Variants in RNF24 observed in about 807,000 individuals in gnomAD.
The protein encoded by RNF24 is ring finger protein 24.
RNF24 carries 14 observed loss-of-function variants against 20.0 expected under a neutral mutation model. The observed-to-expected ratio is 0.70, with a 90% CI of 0.46 to 1.10. The LOEUF is 1.10. RNF24 is among the 50% of genes least tolerant of loss of function. The probability of loss-of-function intolerance (pLI) is 0.00; values close to 1 mark genes in which losing one functional copy is unlikely to be tolerated. For missense variants in RNF24, 124 were observed against 177.6 expected (o/e 0.70, Z 1.71); for synonymous variants, 45 against 61.1 (o/e 0.74, Z 1.23).
At chr20:4,007,694 G>A (rs1412901458) in intron 1 of RNF24, among the ~76,000 whole-genome samples, 2 of 142,348 alleles carry the variant, frequency 1.4e-5, no homozygotes, top group Non-Finnish European at 3.0e-5. Flanking sequence ...TTGAGCCCAG[G>A]AGTTTGAGAC....
At chr20:3,947,413 G>A (rs1162390935) in intron 3 of RNF24, among the ~76,000 whole-genome samples, 2 of 152,186 alleles carry the variant, frequency 1.3e-5, no homozygotes, top group Non-Finnish European at 2.9e-5. Context: ...GAAAAGATAA[G>A]TGTATTAACT....
chr20:3,958,906 T>A (rs186155324), intron 2 of RNF24, among the ~76,000 whole-genome samples: 18,738 of 152,254 alleles, frequency 0.12, 1,407 homozygotes, highest in Non-Finnish European at 0.17. Flanking sequence ...TCTCCCAAAG[T>A]GCTGGGATTA....
intron 1 of RNF24, among the ~76,000 whole-genome samples, chr20:3,966,469 A>AGTGTGTGTATGTGTGTGTGTGT (rs375656891): frequency 7.7e-6 from 1 of 129,232 alleles, no homozygotes; most frequent in African/African-American, 2.9e-5. Flanking sequence ...TTAAGGCTTT[A>AGTGTGTGTATGTGTGTGTGTGT]GTGTGTGTGT....
chr20:4,008,320 A>T (rs1243757185), intron 1 of RNF24, among the ~76,000 whole-genome samples: 1 of 91,844 alleles, frequency 1.1e-5, no homozygotes. Context: ...ATATATATAT[A>T]TTATATATAT....
intron 2 of RNF24, among the ~76,000 whole-genome samples, chr20:3,962,147 G>A (rs967440171): frequency 2.0e-5 from 3 of 152,064 alleles, no homozygotes; most frequent in Admixed American, 2.0e-4. Context: ...GAACTCAGGA[G>A]TTTCAGACCA....
intron 1 of RNF24, among the ~76,000 whole-genome samples, chr20:4,011,799 C>T (rs550634976): frequency 6.6e-6 from 1 of 152,258 alleles, no homozygotes; most frequent in South Asian, 2.1e-4. Flanking sequence ...TGAATACCGA[C>T]CTAACTGTCA....
rs1399715268 is a variant in RNF24, at chr20:3,934,035, C to G, written c.*28G>C. On this transcript the variant is annotated 3_prime_UTR_variant, in exon 6 of 6. Transcript: ENST00000358395. The surrounding 1 kb of genome is among the most constrained non-coding windows in gnomAD (Gnocchi z 4.0). Reference sequence around the variant, plus strand: ...TCCTGGCTCCACACAGACGTCGTGTCCAGCAACAGTCTGATCCTTGCGGTA... The same window carrying G: ...TCCTGGCTCCACACAGACGTCGTGTGCAGCAACAGTCTGATCCTTGCGGTA... 6 of 1,429,130 alleles carry G rather than the reference C, an allele frequency of 4.2e-6. No homozygotes were observed. Among genetic ancestry groups the G allele is most frequent in the Non-Finnish European group, 5.5e-6 (6 of 1,086,766 alleles). 88.5% of individuals were successfully genotyped at this position (1,429,130 alleles called of 1,614,324 possible). A position where few individuals can be genotyped will look rare whatever the true frequency, so the allele number is the denominator to read the frequency against.
intron 1 of RNF24, among the ~76,000 whole-genome samples, chr20:3,999,096 CA>C (rs1981167456): frequency 6.6e-6 from 1 of 151,900 alleles, no homozygotes; most frequent in Admixed American, 6.6e-5. Flanking sequence ...CAAAACAAAA[CA>C]AAAAACAAAA....
intron 4 of RNF24, among the ~76,000 whole-genome samples, chr20:3,943,127 C>T (rs2090977425): frequency 6.6e-6 from 1 of 151,936 alleles, no homozygotes; most frequent in South Asian, 2.1e-4. Context: ...GAGACCTTGA[C>T]AAAAGGGTCA....
At chr20:3,986,410 C>T (rs1979910230) in intron 1 of RNF24, among the ~76,000 whole-genome samples, 1 of 151,962 alleles carries the variant, frequency 6.6e-6, no homozygotes, top group Non-Finnish European at 1.5e-5. Context: ...TGTCACCATA[C>T]TCAGCTATTT....
At chr20:3,935,118 C>T (rs905643453) in intron 4 of RNF24, 45 bp from the exon 5 acceptor site, 17 of 1,552,496 alleles carry the variant, frequency 1.1e-5, no homozygotes, top group Non-Finnish European at 1.5e-5. Context: ...TGTTAAGTAC[C>T]CTCCCAGGTA....
At chr20:3,952,014 A>G (rs576832790) in intron 2 of RNF24, among the ~76,000 whole-genome samples, 82 of 152,330 alleles carry the variant, frequency 5.4e-4, no homozygotes, top group East Asian at 7.7e-4. Flanking sequence ...CTTGGTGAAC[A>G]GCACTTTCTC....
In RNF24 at chr20:3,928,211, T is replaced by G. The variant is rs2090755715; in HGVS notation, c.*5852A>C. The G allele has an allele frequency of 6.6e-6, 1 of 152,226 alleles. No homozygotes were observed. The highest frequency in any genetic ancestry group is 1.5e-5 in the Non-Finnish European group (1 of 68,048). 9.4% of individuals were successfully genotyped at this position (152,226 alleles called of 1,614,324 possible). ...AAGACACACCCAGGGCCAGAGATTC[T>G]ACAAATGCCAGAAGAGTGGATGTGA... On this transcript the variant is annotated 3_prime_UTR_variant, in exon 6 of 6. Coordinates refer to ENST00000358395, the MANE Select transcript of RNF24 (RefSeq NM_001134337.3).
At chr20:4,005,798 T>C (rs1397235434) in intron 1 of RNF24, among the ~76,000 whole-genome samples, 2 of 151,768 alleles carry the variant, frequency 1.3e-5, no homozygotes, top group South Asian at 2.1e-4. Flanking sequence ...ATCTGCACAT[T>C]TGAAAAAAAA....
intron 3 of RNF24, among the ~76,000 whole-genome samples, chr20:3,945,606 T>A (rs1369377048): frequency 3.3e-5 from 5 of 151,744 alleles, no homozygotes; most frequent in Admixed American, 3.3e-4. Flanking sequence ...TCCCAGCTAC[T>A]CGGCAGGCTG....
At chr20:3,966,832 G>GT (rs2091264451) in intron 1 of RNF24, among the ~76,000 whole-genome samples, 2 of 152,232 alleles carry the variant, frequency 1.3e-5, no homozygotes, top group Admixed American at 1.3e-4. Flanking sequence ...ACACACAGCA[G>GT]TAGAGGTAGT....
intron 1 of RNF24, among the ~76,000 whole-genome samples, chr20:3,979,406 C>T (rs1979194876): frequency 1.3e-5 from 2 of 152,028 alleles, no homozygotes; most frequent in South Asian, 4.1e-4. Flanking sequence ...TGTGGTGGCT[C>T]ACAGCTGTAA....
intron 4 of RNF24, among the ~76,000 whole-genome samples, chr20:3,935,473 G>A (rs1054144833): frequency 6.6e-6 from 1 of 152,204 alleles, no homozygotes; most frequent in South Asian, 2.1e-4. Flanking sequence ...TGGCTCCCAA[G>A]CACTCACTGA....
At chr20:4,011,009 AT>A (rs1982420244) in intron 1 of RNF24, among the ~76,000 whole-genome samples, 1 of 152,236 alleles carries the variant, frequency 6.6e-6, no homozygotes, top group Admixed American at 6.5e-5. Flanking sequence ...ACACACATAC[AT>A]ATACAGCCTT....
Sources: gnomAD v4.1 joint callset for allele counts (sites outside exome capture counted in the v4.1 genomes callset) on GRCh38, gnomAD v4.1.1 for gene constraint, Gnocchi (gnomAD v3.1) non-coding constraint, MANE v1.5 for transcripts, NCBI Gene and HGNC (gene_info 2026-07-23, HGNC 2026-07-21) for gene names.